The following SYNE2 variants were observed in gnomAD, a reference collection of about 807,000 sequenced individuals.
The protein encoded by SYNE2 is nesprin-2.
SYNE2 carries 431 observed loss-of-function variants against 856.3 expected under a neutral mutation model. The ratio of observed to expected loss-of-function variants is 0.50; its 90% confidence interval spans 0.47 to 0.55. The LOEUF is 0.55. Among genes scored for constraint, SYNE2 ranks in the 20% least tolerant of loss-of-function variants. The pLI, the probability that SYNE2 is intolerant of heterozygous loss-of-function variation, is 0.00. For synonymous variants in SYNE2, 2,923 were observed against 2,872.3 expected (o/e 1.02, Z -0.56); for missense variants, 8,129 against 8,023.2 (o/e 1.01, Z -0.50).
In SYNE2 at chr14:64,052,904, G is replaced by A. The variant is rs773209564; in HGVS notation, c.8991G>A (p.Gln2997=). The change falls in exon 48 of 116, where the codon CAG becomes CAA. Residue 2997 remains glutamine, a synonymous_variant. Coordinates refer to ENST00000555002, the MANE Select transcript of SYNE2 (RefSeq NM_182914.3). Reference sequence around the variant, plus strand: ...CCGCTATTAAGTGTTGCATCTTACAGGTATTGAAACTTAAAAAAGTGTTTG... The same window carrying A: ...CCGCTATTAAGTGTTGCATCTTACAAGTATTGAAACTTAAAAAAGTGTTTG... ...RLTAIKCCIL[Q]VLKLKKVFDY... 30 of 1,613,346 alleles carry A rather than the reference G, an allele frequency of 1.9e-5. No homozygotes were observed. The highest frequency in any genetic ancestry group is 2.5e-5 in the Non-Finnish European group (30 of 1,179,860).
intron 45 of SYNE2, among the ~76,000 whole-genome samples, chr14:64,046,456 G>A (rs2097187094): frequency 6.6e-6 from 1 of 152,160 alleles, no homozygotes; most frequent in Non-Finnish European, 1.5e-5. Context: ...GGACACAAGT[G>A]ATCCTCCCAC....
intron 70 of SYNE2, among the ~76,000 whole-genome samples, chr14:64,122,829 G>T (rs57915649): frequency 6.6e-6 from 1 of 152,164 alleles, no homozygotes; most frequent in Non-Finnish European, 1.5e-5. Flanking sequence ...TTGGCCAGGC[G>T]CGGTGGCTCA....
intron 1 of SYNE2, among the ~76,000 whole-genome samples, chr14:63,846,820 C>A (rs544747320): frequency 2.2e-4 from 33 of 152,120 alleles, no homozygotes; most frequent in Admixed American, 1.2e-3. Context: ...TGGTCTCCAA[C>A]TCCTGACCTC....
Position 64,025,407 on chromosome 14 carries a change from A to C in SYNE2, c.6238A>C (p.Ile2080Leu). The change falls in exon 41 of 116, where the codon ATC becomes CTC. Residue 2080 changes from isoleucine to leucine, a missense_variant. By Grantham distance (5) the Ile-to-Leu change is conservative. Around this residue, in one of 3 missense-constraint regions of SYNE2, gnomAD observed 297 missense variants for 380.9 expected, o/e 0.78. Coordinates refer to ENST00000555002, the MANE Select transcript of SYNE2 (RefSeq NM_182914.3). ...AGGCAAAATGCCACTTGAGGAAAGA[A>C]TCCAAAAAATCAAGGTATAACTATG... ...SEGKMPLEER[I>L]QKIKEIILLK... 1 of 1,612,578 alleles carries C rather than the reference A, an allele frequency of 6.2e-7. No homozygotes were observed. The highest frequency in any genetic ancestry group is 1.3e-5 in the African/African-American group (1 of 75,048).
Position 64,098,105 on chromosome 14 carries a change from G to A in SYNE2, c.12265G>A (p.Glu4089Lys), listed in dbSNP as rs768120998. 3 of 1,614,036 alleles carry A rather than the reference G, an allele frequency of 1.9e-6. No individual in the cohort carries two copies. In the Admixed American group the frequency reaches 5.0e-5, roughly 27 times the overall value. ...ERDRLPAVTS[E>K]EGGVAERDAS... ...AGATAGGCTGCCAGCTGTAACATCA[G>A]AGGAAGGTGGAGTGGCAGAGAGGGA... Residue 4089 changes from glutamate (E) to lysine (K), a missense_variant, in exon 62 of 116, where the codon GAG becomes AAG. Coordinates refer to ENST00000555002, the MANE Select transcript of SYNE2 (RefSeq NM_182914.3).
At chr14:63,860,839 A>G (rs1340662165) in intron 1 of SYNE2, among the ~76,000 whole-genome samples, 1 of 152,212 alleles carries the variant, frequency 6.6e-6, no homozygotes, top group African/African-American at 2.4e-5. Context: ...AAAGGCCCAT[A>G]AGCAGAGGAA....
intron 30 of SYNE2, among the ~76,000 whole-genome samples, chr14:64,006,272 G>C (rs185441385): frequency 6.6e-6 from 1 of 152,180 alleles, no homozygotes; most frequent in African/African-American, 2.4e-5. Flanking sequence ...GTACATAACG[G>C]AGAAATGAAA....
intron 99 of SYNE2, among the ~76,000 whole-genome samples, chr14:64,193,497 C>T (rs928849688): frequency 1.3e-5 from 2 of 152,098 alleles, no homozygotes; most frequent in Non-Finnish European, 2.9e-5. Flanking sequence ...TTGCAATGAG[C>T]CTTGATCACA....
chr14:64,165,787 T>G (rs761133574), intron 90 of SYNE2, among the ~76,000 whole-genome samples: 3 of 152,334 alleles, frequency 2.0e-5, no homozygotes, highest in Non-Finnish European at 2.9e-5. Context: ...GTGCTGGGAT[T>G]ACAGGCCTGA....
intron 96 of SYNE2, among the ~76,000 whole-genome samples, chr14:64,182,729 C>T (rs555935179): frequency 6.6e-6 from 1 of 152,338 alleles, no homozygotes; most frequent in Admixed American, 6.5e-5. Context: ...TTAACAGCAT[C>T]CCAAGGCAGA....
chr14:64,172,558 A>G (rs1162795285), intron 94 of SYNE2, among the ~76,000 whole-genome samples: 1 of 152,078 alleles, frequency 6.6e-6, no homozygotes, highest in Non-Finnish European at 1.5e-5. Flanking sequence ...TATAAACCCA[A>G]CCTCAGAAGT....
chr14:63,903,746 A>G (rs1297016551), intron 1 of SYNE2, among the ~76,000 whole-genome samples: 2 of 151,638 alleles, frequency 1.3e-5, no homozygotes, highest in African/African-American at 4.8e-5. Flanking sequence ...TGTAAATACA[A>G]CAAATGATTC....
chr14:64,139,887 T>G (rs2098126522), intron 79 of SYNE2, 54 bp from the exon 80 acceptor site: 4 of 1,601,490 alleles, frequency 2.5e-6, no homozygotes, highest in African/African-American at 1.3e-5. Flanking sequence ...GTGATGCATA[T>G]CATTATCAGA....
rs545240383 is a variant in SYNE2 at position 64,216,181 on chromosome 14, A to G, written c.19403-67A>G. 3.3e-4 allele frequency: 527 copies of G among 1,609,692 alleles called. 1 individual carries two copies. The African/African-American group carries it at 6.5e-3, about 20-fold the overall frequency. On this transcript the variant is annotated intron_variant, in intron 107 of 115. Transcript: ENST00000555002. ...GAACTCATTTTCATACTGTAACCTG[A>G]TGCCATGTCACCCGTGACCCGTTCA...
chr14:64,191,060 A>G, intron 99 of SYNE2: 1 of 702,264 alleles, frequency 1.4e-6, no homozygotes, highest in Non-Finnish European at 2.6e-6. Flanking sequence ...TGAACAACAC[A>G]TAGAATTTGG....
chr14:63,905,985 T>C (rs2095405377), intron 1 of SYNE2, among the ~76,000 whole-genome samples: 2 of 152,150 alleles, frequency 1.3e-5, no homozygotes, highest in African/African-American at 4.8e-5. Context: ...CAATGCCTAG[T>C]CTGTTGAGGG....
At chr14:63,879,054 G>T (rs76357398) in intron 1 of SYNE2, among the ~76,000 whole-genome samples, 2,088 of 150,650 alleles carry the variant, frequency 0.014, 40 homozygotes, top group African/African-American at 0.048. Flanking sequence ...ACCAAAAAAA[G>T]CTCAGTTGGG....
At position 63,807,865 on chromosome 14, in the gene SYNE2, A is replaced by ATATATATATATATATT. The variant is rs1267385896; in HGVS notation, c.-304-44636_-304-44635insTATATATATATATATT. On this transcript the variant is annotated intron_variant, in intron 1 of 23. Transcript: ENST00000674003. ...TATATATATATATATATATATATAT[A>ATATATATATATATATT]ATTTCAATAGTTTTTGGGAACAAGT... Among the ~76,000 whole-genome samples the ATATATATATATATATT allele has an allele frequency of 2.0e-4, 19 of 97,396 alleles. 1 individual carries two copies. Among genetic ancestry groups the ATATATATATATATATT allele is most frequent in the African/African-American group, 5.9e-4 (16 of 26,954 alleles). The allele number at this position is 97,396 out of a possible 152,430, so 63.9% of individuals were successfully genotyped here.
intron 2 of SYNE2, among the ~76,000 whole-genome samples, chr14:63,926,250 C>T (rs1426844740): frequency 1.3e-5 from 2 of 151,882 alleles, no homozygotes; most frequent in African/African-American, 2.4e-5. Context: ...ACCCCCAGCC[C>T]TAGGCAATCA....
Sources: gnomAD v4.1 joint callset for allele counts (sites outside exome capture counted in the v4.1 genomes callset) on GRCh38, gnomAD v4.1.1 for gene constraint, gnomAD v4.1.1 regional missense constraint, MANE v1.5 for transcripts, NCBI Gene and HGNC (gene_info 2026-07-23, HGNC 2026-07-21) for gene names.